The following HTT-AS variants were observed in gnomAD, a reference collection of about 807,000 sequenced individuals.
HTT-AS encodes the protein HTT antisense RNA (head to head).
chr4:3,066,999 A>C (rs1311315217), intron 1 of HTT-AS, among the ~76,000 whole-genome samples: 1 of 152,246 alleles, frequency 6.6e-6, no homozygotes, highest in Non-Finnish European at 1.5e-5. Context: ...GAAATTTGCA[A>C]AACTTGAAAG....
At chr4:3,070,553 G>T (rs557069245) in intron 1 of HTT-AS, among the ~76,000 whole-genome samples, 33 of 152,300 alleles carry the variant, frequency 2.2e-4, no homozygotes, top group African/African-American at 7.5e-4. Context: ...GCCTCCCAAA[G>T]TGCTGGGATT....
intron 2 of HTT-AS, among the ~76,000 whole-genome samples, chr4:3,056,637 T>C (rs529494527): frequency 6.6e-6 from 1 of 152,284 alleles, no homozygotes; most frequent in South Asian, 2.1e-4. Flanking sequence ...AATTTCCCCT[T>C]TCACCAAAAA....
At chr4:3,060,837 G>C (rs1711910140) in intron 2 of HTT-AS, among the ~76,000 whole-genome samples, 1 of 152,220 alleles carries the variant, frequency 6.6e-6, no homozygotes, top group Admixed American at 6.5e-5. Context: ...TAAAAGGTGA[G>C]GGTAGGGTGG....
At chr4:3,067,710 C>A (rs1712081466) in intron 1 of HTT-AS, among the ~76,000 whole-genome samples, 1 of 152,162 alleles carries the variant, frequency 6.6e-6, no homozygotes, top group African/African-American at 2.4e-5. Context: ...AAAGAACATC[C>A]TGACCTTAGA....
intron 2 of HTT-AS, among the ~76,000 whole-genome samples, chr4:3,060,124 G>T (rs968697753): frequency 6.6e-6 from 1 of 152,142 alleles, no homozygotes; most frequent in African/African-American, 2.4e-5. Flanking sequence ...CATGCTAAGT[G>T]TGATGAAATG....
At chr4:3,062,016 G>C (rs1190149018) in intron 2 of HTT-AS, among the ~76,000 whole-genome samples, 1 of 143,448 alleles carries the variant, frequency 7.0e-6, no homozygotes, top group Non-Finnish European at 1.5e-5. Flanking sequence ...AAAAAAAAGA[G>C]AGAGAGAATA....
At chr4:3,065,331 C>A (rs538507065) in intron 1 of HTT-AS, among the ~76,000 whole-genome samples, 1 of 152,068 alleles carries the variant, frequency 6.6e-6, no homozygotes, top group African/African-American at 2.4e-5. Flanking sequence ...CCCCCCGCCT[C>A]CCAGGTTCAA....
chr4:3,059,130 T>G (rs1355777045), intron 2 of HTT-AS, among the ~76,000 whole-genome samples: 1 of 152,234 alleles, frequency 6.6e-6, no homozygotes, highest in East Asian at 1.9e-4. Context: ...GTAGGCAGAC[T>G]GAAAACCTAA....
exon 2 of HTT-AS, among the ~76,000 whole-genome samples, chr4:3,062,658 G>A (rs771063841): frequency 4.0e-5 from 6 of 151,724 alleles, no homozygotes; most frequent in Non-Finnish European, 8.8e-5. Flanking sequence ...TCTTCTGCTT[G>A]GCGTGTTGTT....
chr4:3,051,030 TTGTGTGTGTGTG>T lies in HTT-AS; in HGVS notation n.1381-1344_1381-1333del, dbSNP rs59615689. 4.8e-3 allele frequency among the ~76,000 whole-genome samples: 590 copies of T among 122,550 alleles called. 5 individuals carry two copies. Among genetic ancestry groups the T allele is most frequent in the African/African-American group, 9.7e-3 (307 of 31,778 alleles). The allele number at this position is 122,550 out of a possible 152,430, so 80.4% of individuals were successfully genotyped here. A position where few individuals can be genotyped will look rare whatever the true frequency, so the allele number is the denominator to read the frequency against. On this transcript the variant is annotated intron_variant and non_coding_transcript_variant, in intron 2 of 2. Transcript: ENST00000664062. Reference sequence around the variant, plus strand: ...TAAACCTTTTATAATCCCTTACAATTTGTGTGTGTGTGTGTGTGTGTGTGTGTGTGTGTGTGT... The same window carrying T: ...TAAACCTTTTATAATCCCTTACAATTTGTGTGTGTGTGTGTGTGTGTGTGT...
At chr4:3,070,944 C>G (rs1000897821) in intron 1 of HTT-AS, among the ~76,000 whole-genome samples, 1 of 152,190 alleles carries the variant, frequency 6.6e-6, no homozygotes, top group Admixed American at 6.5e-5. Context: ...CAGTATTGAT[C>G]TTTACTCTTT....
At chr4:3,047,228 A>G (rs193213771), downstream of HTT-AS, among the ~76,000 whole-genome samples, 1,184 of 152,104 alleles carry the variant, frequency 7.8e-3, 8 homozygotes, top group African/African-American at 0.019. Context: ...GGAGAATGGC[A>G]TGAACCCGGG....
chr4:3,055,171 G>A (rs543921871), intron 2 of HTT-AS, among the ~76,000 whole-genome samples: 82 of 152,012 alleles, frequency 5.4e-4, no homozygotes, highest in South Asian at 2.7e-3. Context: ...GGTGGCGGGC[G>A]CCTGTAGTCC....
intron 2 of HTT-AS, among the ~76,000 whole-genome samples, chr4:3,055,295 C>A (rs2110121113): frequency 6.7e-6 from 1 of 150,258 alleles, no homozygotes; most frequent in East Asian, 2.0e-4. Context: ...GAGACTCCGT[C>A]TAAAAAAAAA....
At chr4:3,051,807 C>A (rs1711708638) in intron 2 of HTT-AS, among the ~76,000 whole-genome samples, 1 of 150,540 alleles carries the variant, frequency 6.6e-6, no homozygotes, top group Non-Finnish European at 1.5e-5. Flanking sequence ...TAGGATAGAA[C>A]ATGGGCTTAA....
intron 1 of HTT-AS, among the ~76,000 whole-genome samples, chr4:3,073,550 G>A (rs558025663): frequency 1.2e-4 from 19 of 152,356 alleles, no homozygotes; most frequent in African/African-American, 4.3e-4. Flanking sequence ...GCGGCATCTT[G>A]TGGCCATAGC....
downstream of HTT-AS, among the ~76,000 whole-genome samples, chr4:3,048,368 G>C (rs747755612): frequency 6.6e-6 from 1 of 152,204 alleles, no homozygotes; most frequent in Non-Finnish European, 1.5e-5. Flanking sequence ...CAGTTGAAGA[G>C]AGACCATTTG....
chr4:3,046,562 G>T (rs1380072460), downstream of HTT-AS, among the ~76,000 whole-genome samples: 2 of 152,146 alleles, frequency 1.3e-5, no homozygotes, highest in Admixed American at 6.5e-5. Flanking sequence ...CACCCTTTTG[G>T]TCATTTTCTC....
chr4:3,059,848 C>T (rs1395345305), intron 2 of HTT-AS, among the ~76,000 whole-genome samples: 2 of 152,036 alleles, frequency 1.3e-5, no homozygotes, highest in East Asian at 3.9e-4. Context: ...GCTGGGATTA[C>T]AGGCCTGAGC....
Sources: allele counts gnomAD v4.1 joint callset (sites outside exome capture counted in the v4.1 genomes callset), GRCh38; gene constraint gnomAD v4.1.1; transcripts MANE v1.5; gene names NCBI Gene and HGNC (gene_info 2026-07-23, HGNC 2026-07-21).